Variants in AMOTL1 observed in about 807,000 individuals in gnomAD.
The protein encoded by AMOTL1 is angiomotin-like protein 1.
In AMOTL1, 45 loss-of-function variants were observed where a neutral mutation model predicts 102.9. The ratio of observed to expected loss-of-function variants is 0.44; its 90% CI spans 0.34 to 0.56. AMOTL1 has a LOEUF of 0.56. AMOTL1 is among the 20% of genes least tolerant of loss of function. The pLI is 0.01. For missense variants in AMOTL1, 1,114 were observed against 1,225.6 expected (o/e 0.91, Z 1.36); for synonymous variants, 481 against 484.7 (o/e 0.99, Z 0.10).
rs747669602 is a variant in AMOTL1, at chr11:94,821,765, C to T, written c.1357C>T (p.Arg453Trp). The part of the protein sequence containing the change: ...QMVEILTEEN[R>W]VLHQELQGYY... ...GGTGGAGATATTAACAGAGGAGAACCGGGTGCTTCACCAGGAACTTCAGGG... is the reference window on the plus strand; with the variant it reads ...GGTGGAGATATTAACAGAGGAGAACTGGGTGCTTCACCAGGAACTTCAGGG... Residue 453 changes from arginine (R) to tryptophan (W), a missense_variant, in exon 4 of 13, where the codon CGG becomes TGG. Coordinates refer to ENST00000433060, the MANE Select transcript of AMOTL1 (RefSeq NM_130847.3). The T allele has an allele frequency of 5.0e-6, 8 of 1,613,986 alleles. No individual in the cohort carries two copies. Among genetic ancestry groups the T allele is most frequent in the Non-Finnish European group, 5.9e-6 (7 of 1,179,904 alleles).
chr11:94,767,631 A>C (rs1280147580), upstream of AMOTL1, among the ~76,000 whole-genome samples: 1 of 152,206 alleles, frequency 6.6e-6, no homozygotes, highest in Non-Finnish European at 1.5e-5. Flanking sequence ...GGCACCCCAG[A>C]TTAGGGCTCC....
intron 4 of AMOTL1, among the ~76,000 whole-genome samples, chr11:94,825,381 G>A (rs865870959): frequency 6.6e-6 from 1 of 152,170 alleles, no homozygotes; most frequent in Admixed American, 6.5e-5. Context: ...AGGTGCTCAG[G>A]GGAAAAAACC....
At chr11:94,856,959 A>G (rs771571675) in intron 8 of AMOTL1, among the ~76,000 whole-genome samples, 2 of 152,102 alleles carry the variant, frequency 1.3e-5, no homozygotes, top group Non-Finnish European at 2.9e-5. Flanking sequence ...AGCAGCTCCA[A>G]TTATTTCAAT....
At chr11:94,825,091 T>A (rs1376015728) in intron 4 of AMOTL1, among the ~76,000 whole-genome samples, 1 of 152,148 alleles carries the variant, frequency 6.6e-6, no homozygotes. Flanking sequence ...TTTTGGTTAT[T>A]TTTTTTGCAT....
Position 94,821,680 on chromosome 11 carries a change from C to T in AMOTL1, c.1272C>T (p.Ala424=). The T allele has an allele frequency of 1.9e-6, 3 of 1,614,032 alleles. No homozygotes were observed. Among genetic ancestry groups the T allele is most frequent in the Non-Finnish European group, 2.5e-6 (3 of 1,179,896 alleles). Residue 424 remains alanine, a synonymous_variant, in exon 4 of 13, where the codon GCC becomes GCT. Coordinates refer to ENST00000433060, the MANE Select transcript of AMOTL1 (RefSeq NM_130847.3). ...ALGAPQPPPA[A]SPSQQLGPDA... ...GTGCTCCACAGCCCCCGCCTGCCGCCTCCCCCAGCCAGCAGCTTGGTCCAG... is the reference window on the plus strand; with the variant it reads ...GTGCTCCACAGCCCCCGCCTGCCGCTTCCCCCAGCCAGCAGCTTGGTCCAG...
chr11:94,730,184 C>A (rs1006391665), intron 2 of AMOTL1, among the ~76,000 whole-genome samples: 14 of 152,176 alleles, frequency 9.2e-5, no homozygotes, highest in African/African-American at 3.4e-4. Flanking sequence ...TAGTTCAACA[C>A]ACAGCCCTTC....
At chr11:94,801,688 T>C (rs892557603) in intron 3 of AMOTL1, among the ~76,000 whole-genome samples, 2 of 151,706 alleles carry the variant, frequency 1.3e-5, no homozygotes, top group Admixed American at 6.6e-5. Context: ...ACTGACAGGG[T>C]TTAGGGATTG....
chr11:94,792,566 G>A (rs1308012205), intron 1 of AMOTL1, among the ~76,000 whole-genome samples: 1 of 152,250 alleles, frequency 6.6e-6, no homozygotes, highest in Non-Finnish European at 1.5e-5. Flanking sequence ...TGGTACCTGG[G>A]CATGTCCATC....
intron 2 of AMOTL1, among the ~76,000 whole-genome samples, chr11:94,736,874 C>A (rs1354893151): frequency 6.6e-6 from 1 of 152,220 alleles, no homozygotes; most frequent in East Asian, 1.9e-4. Flanking sequence ...GGGCACTGAT[C>A]ATCTCTGTGT....
chr11:94,781,280 T>C (rs1591958528), intron 1 of AMOTL1, among the ~76,000 whole-genome samples: 2 of 152,290 alleles, frequency 1.3e-5, no homozygotes, highest in Admixed American at 6.5e-5. Flanking sequence ...GCCTGACTAA[T>C]AGAGTTCAAG....
chr11:94,755,837 C>T (rs372781494), intron 3 of AMOTL1, among the ~76,000 whole-genome samples: 10 of 152,292 alleles, frequency 6.6e-5, no homozygotes, highest in African/African-American at 2.4e-4. Flanking sequence ...GTTTTGCTGT[C>T]TGCAGGCCGC....
At chr11:94,732,034 C>A (rs1217195168) in intron 2 of AMOTL1, among the ~76,000 whole-genome samples, 1 of 152,204 alleles carries the variant, frequency 6.6e-6, no homozygotes, top group Non-Finnish European at 1.5e-5. Flanking sequence ...TAGCCAAGGC[C>A]TTGACCCACC....
At chr11:94,755,410 C>G (rs1950710165) in intron 3 of AMOTL1, among the ~76,000 whole-genome samples, 1 of 152,332 alleles carries the variant, frequency 6.6e-6, no homozygotes, top group East Asian at 1.9e-4. Flanking sequence ...TGCACCATCA[C>G]TCAGCCTCTG....
chr11:94,781,588 A>G (rs543372436), intron 1 of AMOTL1, among the ~76,000 whole-genome samples: 69 of 152,324 alleles, frequency 4.5e-4, no homozygotes, highest in African/African-American at 1.6e-3. Context: ...CTGTAATCCC[A>G]GCACTTTGGG....
chr11:94,869,191 C>T lies in AMOTL1; in HGVS notation c.2489-7C>T. 6.3e-7 allele frequency: 1 copy of T among 1,574,916 alleles called. No individual in the cohort carries two copies. Among genetic ancestry groups the T allele is most frequent in the Non-Finnish European group, 8.7e-7 (1 of 1,155,850 alleles). On this transcript the variant is annotated splice_region_variant and splice_polypyrimidine_tract_variant and intron_variant, in intron 11 of 12. Coordinates refer to ENST00000433060, the MANE Select transcript of AMOTL1 (RefSeq NM_130847.3). ...AGAATGTTGAAAAATCTGTTCTCTG[C>T]CCTCAGGATTGCTGCTGGGGAAGGA...
At chr11:94,818,434 C>T (rs1172745754) in intron 3 of AMOTL1, among the ~76,000 whole-genome samples, 1 of 152,190 alleles carries the variant, frequency 6.6e-6, no homozygotes, top group Non-Finnish European at 1.5e-5. Context: ...ATCTGAGTTT[C>T]CTTGTGGAAT....
At chr11:94,842,780 A>C (rs1952332859) in intron 6 of AMOTL1, among the ~76,000 whole-genome samples, 1 of 152,190 alleles carries the variant, frequency 6.6e-6, no homozygotes, top group South Asian at 2.1e-4. Flanking sequence ...AGATGGGTTC[A>C]TCTTCAGAAC....
intron 1 of AMOTL1, among the ~76,000 whole-genome samples, chr11:94,771,263 G>GGGT (rs1555067564): frequency 2.7e-5 from 4 of 146,508 alleles, no homozygotes; most frequent in Non-Finnish European, 6.1e-5. Flanking sequence ...CGGGGTTGGG[G>GGGT]GGGGGGTGCG....
rs562484863 is a variant in AMOTL1, at chr11:94,713,396, C to T, written c.-51+6799C>T. Among the ~76,000 whole-genome samples the T allele has an allele frequency of 3.3e-5, 5 of 152,048 alleles. No individual in the cohort carries two copies. The South Asian group carries it at 1.0e-3, about 32-fold the overall frequency. ...CTTTCCATATAAACTTTAGAATGAACTTGTCTCTATCTACAGAACCTTGCT... is the reference window on the plus strand; with the variant it reads ...CTTTCCATATAAACTTTAGAATGAATTTGTCTCTATCTACAGAACCTTGCT... On this transcript the variant is annotated intron_variant, in intron 1 of 4. Transcript: ENST00000299004.
Sources: allele counts gnomAD v4.1 joint callset (sites outside exome capture counted in the v4.1 genomes callset), GRCh38; gene constraint gnomAD v4.1.1; transcripts MANE v1.5; gene names NCBI Gene and HGNC (gene_info 2026-07-23, HGNC 2026-07-21).